Variants in YEATS2 observed in about 807,000 individuals in gnomAD.
YEATS2 encodes the protein YEATS domain containing 2.
A neutral mutation model predicts 163.2 loss-of-function variants in YEATS2; 77 were observed. The observed-to-expected ratio is 0.47, with a 90% confidence interval of 0.39 to 0.57. The LOEUF is 0.57. YEATS2 is among the 20% of genes least tolerant of loss of function. YEATS2 has a pLI of 0.00. For synonymous variants in YEATS2, 631 were observed against 645.1 expected (o/e 0.98, Z 0.33); for missense variants, 1,549 against 1,729.8 (o/e 0.90, Z 1.85).
At chr3:183,789,116 C>G (rs894290671) in intron 20 of YEATS2, among the ~76,000 whole-genome samples, 3 of 152,112 alleles carry the variant, frequency 2.0e-5, no homozygotes, top group Admixed American at 1.3e-4. Context: ...TGTGCAGAAG[C>G]TTTTTAACTT....
In YEATS2 at chr3:183,811,013, C is replaced by T. The variant is rs1726752439; in HGVS notation, c.*430C>T. The T allele has an allele frequency of 5.4e-6, 1 of 184,514 alleles. No homozygotes were observed. The highest frequency in any genetic ancestry group is 2.4e-5 in the African/African-American group (1 of 42,440). The allele number at this position is 184,514 out of a possible 1,614,324, so 11.4% of individuals were successfully genotyped here. A position where few individuals can be genotyped will look rare whatever the true frequency, so the allele number is the denominator to read the frequency against. Reference sequence around the variant, plus strand: ...GTTACCAGTAGCTCCAGCAGTTACCCTGAAGAGAGATTGGGCTTCAGCCTT... The same window carrying T: ...GTTACCAGTAGCTCCAGCAGTTACCTTGAAGAGAGATTGGGCTTCAGCCTT... On this transcript the variant is annotated 3_prime_UTR_variant, in exon 31 of 31. Transcript: ENST00000305135.
intron 15 of YEATS2, among the ~76,000 whole-genome samples, chr3:183,769,224 C>T (rs1722213876): frequency 6.6e-6 from 1 of 152,124 alleles, no homozygotes; most frequent in Non-Finnish European, 1.5e-5. Context: ...TAATTTATCT[C>T]CCTGGAATAT....
chr3:183,768,205 A>G (rs1352511798), intron 15 of YEATS2, among the ~76,000 whole-genome samples: 2 of 152,126 alleles, frequency 1.3e-5, no homozygotes, highest in Non-Finnish European at 1.5e-5. Flanking sequence ...ACATTCTCAA[A>G]ATTTGGCTTT....
At chr3:183,788,100 A>G (rs1022872176) in intron 20 of YEATS2, among the ~76,000 whole-genome samples, 24 of 152,190 alleles carry the variant, frequency 1.6e-4, no homozygotes, top group Admixed American at 1.3e-3. Flanking sequence ...ATGCGTAATA[A>G]TCGCATCAGG....
chr3:183,714,760 G>A (rs551739611), intron 1 of YEATS2, among the ~76,000 whole-genome samples: 1 of 152,248 alleles, frequency 6.6e-6, no homozygotes, highest in African/African-American at 2.4e-5. Context: ...GGCTAACCAT[G>A]TTTTCATCAA....
chr3:183,761,425 G>A, intron 13 of YEATS2, 82 bp from the exon 14 acceptor site: 1 of 1,264,100 alleles, frequency 7.9e-7, no homozygotes, highest in South Asian at 1.2e-5. Context: ...GAATGTCACA[G>A]GTTTGTATTA....
At chr3:183,765,384 A>G (rs1433516725) in intron 15 of YEATS2, among the ~76,000 whole-genome samples, 1 of 152,184 alleles carries the variant, frequency 6.6e-6, no homozygotes, top group African/African-American at 2.4e-5. Context: ...GAACAACTGT[A>G]CTGACTTGTC....
At chr3:183,709,544 A>T (rs1263958700) in intron 1 of YEATS2, among the ~76,000 whole-genome samples, 1 of 152,120 alleles carries the variant, frequency 6.6e-6, no homozygotes, top group Non-Finnish European at 1.5e-5. Context: ...CATGTTGGCC[A>T]GGTGGGTTTC....
intron 8 of YEATS2, among the ~76,000 whole-genome samples, chr3:183,746,903 CCT>C (rs1466789745): frequency 7.9e-5 from 12 of 151,884 alleles, no homozygotes; most frequent in Admixed American, 2.0e-4. Context: ...TCATTTTTTC[CCT>C]CTCTTTTTTT....
At chr3:183,725,041 C>CTTTTT (rs62826962) in intron 6 of YEATS2, among the ~76,000 whole-genome samples, 9 of 87,522 alleles carry the variant, frequency 1.0e-4, no homozygotes, top group East Asian at 3.9e-4. Flanking sequence ...CCGTGCCGGC[C>CTTTTT]TTTTTTTTTT....
Position 183,772,512 on chromosome 3 carries a change from A to G in YEATS2, c.2155A>G (p.Lys719Glu). 6.2e-7 allele frequency: 1 copy of G among 1,614,154 alleles called. No homozygotes were observed. The highest frequency in any genetic ancestry group is 8.5e-7 in the Non-Finnish European group (1 of 1,180,042). ...TGCTCAGCCAGTGCAGACCTTAACC[A>G]AGGCCCAGGTTACTGCCGCTGGTCC... ...IVAQPVQTLT[K>E]AQVTAAGPQK... Residue 719 changes from lysine to glutamate, a missense_variant, in exon 16 of 31, where the codon AAG becomes GAG. Physicochemically the swap from Lys to Glu is moderately conservative, Grantham distance 56. Coordinates refer to ENST00000305135, the MANE Select transcript of YEATS2 (RefSeq NM_018023.5).
chr3:183,783,953 G>A (rs181219263), intron 19 of YEATS2, among the ~76,000 whole-genome samples: 1 of 152,224 alleles, frequency 6.6e-6, no homozygotes, highest in African/African-American at 2.4e-5. Flanking sequence ...TTTTGAGACA[G>A]GATCTCACAG....
At chr3:183,732,743 G>T (rs1376526245) in intron 7 of YEATS2, among the ~76,000 whole-genome samples, 1 of 151,878 alleles carries the variant, frequency 6.6e-6, no homozygotes. Context: ...TGTATTTTTA[G>T]TAGAGATGGG....
chr3:183,796,413 T>C (rs1031277573), intron 21 of YEATS2, among the ~76,000 whole-genome samples: 5 of 151,696 alleles, frequency 3.3e-5, no homozygotes, highest in African/African-American at 1.2e-4. Context: ...AGAACAGTTT[T>C]ACGTGGAAAT....
chr3:183,732,542 A>T (rs1204933608), intron 7 of YEATS2, among the ~76,000 whole-genome samples: 1 of 151,968 alleles, frequency 6.6e-6, no homozygotes, highest in Admixed American at 6.6e-5. Flanking sequence ...TGTGTTTTTT[A>T]AAATTTTATT....
rs185443061 is a variant in YEATS2, at chr3:183,727,070, A to C, written c.651-1620A>C. On this transcript the variant is annotated intron_variant, in intron 6 of 30. Coordinates refer to ENST00000305135, the MANE Select transcript of YEATS2 (RefSeq NM_018023.5). Reference sequence around the variant, plus strand: ...CCTGCCTTGGCCTCCAAAAGTGCTGAGATTACAGGCATGAGCCACCACGCC... The same window carrying C: ...CCTGCCTTGGCCTCCAAAAGTGCTGCGATTACAGGCATGAGCCACCACGCC... Among the ~76,000 whole-genome samples, 1,205 of 152,198 alleles carry C rather than the reference A, an allele frequency of 7.9e-3. 9 individuals carry two copies. The highest frequency in any genetic ancestry group is 0.038 in the South Asian group (183 of 4,818).
At chr3:183,716,605 G>A (rs369069902) in intron 2 of YEATS2, among the ~76,000 whole-genome samples, 1 of 152,094 alleles carries the variant, frequency 6.6e-6, no homozygotes, top group African/African-American at 2.4e-5. Flanking sequence ...ATGTTAGAGT[G>A]TTATGTAACT....
intron 1 of YEATS2, among the ~76,000 whole-genome samples, chr3:183,699,321 TA>T (rs1392733169): frequency 1.3e-5 from 2 of 151,808 alleles, no homozygotes; most frequent in Admixed American, 6.6e-5. Flanking sequence ...TTAGATGTAT[TA>T]AATTTTAGAT....
chr3:183,801,630 T>G, intron 25 of YEATS2, 102 bp downstream of exon 25: 1 of 888,492 alleles, frequency 1.1e-6, no homozygotes, highest in Non-Finnish European at 1.7e-6. Context: ...AATATTGATA[T>G]GGCGGTTACC....
Sources: allele counts gnomAD v4.1 joint callset (sites outside exome capture counted in the v4.1 genomes callset), GRCh38; gene constraint gnomAD v4.1.1; transcripts MANE v1.5; gene names NCBI Gene and HGNC (gene_info 2026-07-23, HGNC 2026-07-21).